SLC22A15: variants seen among roughly 807,000 people sequenced by gnomAD.
SLC22A15 encodes the protein solute carrier family 22 member 15, also known as flipt 1.
Under a neutral mutation model 62.7 loss-of-function variants are expected in SLC22A15, and 45 were observed. The observed-to-expected ratio is 0.72, with a 90% CI of 0.56 to 0.92. The LOEUF (loss-of-function observed/expected upper bound fraction) is 0.92, where lower values mean the gene tolerates loss of function less well. Among genes scored for constraint, SLC22A15 ranks in the 40% least tolerant of loss-of-function variants. The pLI is 0.00. For synonymous variants in SLC22A15, 264 were observed against 267.0 expected (o/e 0.99, Z 0.11); for missense variants, 622 against 665.6 (o/e 0.93, Z 0.72).
chr1:116,037,378 A>G lies in SLC22A15; in HGVS notation c.1161A>G (p.Pro387=). ...CTTGTCTTATTGTAATGTTTCTTCC[A>G]GAAAAGAAAGGTATGCCTTTCAAAT... is the stretch of plus-strand genomic sequence containing the variant. The part of the protein sequence containing the change: ...GLACLIVMFL[P]EKKDTGVFAV... Residue 387 remains proline (P), a synonymous_variant, in exon 8 of 12, where the codon CCA becomes CCG. Transcript: ENST00000369503. 6.2e-7 allele frequency: 1 copy of G among 1,612,640 alleles called. No homozygotes were observed. Among genetic ancestry groups the G allele is most frequent in the Non-Finnish European group, 8.5e-7 (1 of 1,178,846 alleles).
At chr1:116,033,555 CTCTGTGTG>C (rs1208576256) in intron 6 of SLC22A15, among the ~76,000 whole-genome samples, 3 of 95,180 alleles carry the variant, frequency 3.2e-5, no homozygotes, top group Admixed American at 1.0e-4. Flanking sequence ...ATAGGGGTGT[CTCTGTGTG>C]TGTGTGTGTG....
intron 10 of SLC22A15, among the ~76,000 whole-genome samples, chr1:116,065,132 C>T (rs1296428118): frequency 2.0e-5 from 3 of 152,048 alleles, no homozygotes; most frequent in Admixed American, 6.6e-5. Context: ...GGGACCCCTA[C>T]GCAAGTCTCT....
In SLC22A15 at chr1:116,067,076, G is replaced by C. The variant is rs778816672; in HGVS notation, c.1612G>C (p.Asp538His). ...GAGTGAGGAAGAGGAAGAATTTTAT[G>C]ATGCAGATGAAGAGACTCAGATGAT... ...SESEEEEEFY[D>H]ADEETQMIK is the part of the protein sequence containing the mutation. The change falls in exon 12 of 12, where the codon GAT becomes CAT. Residue 538 changes from aspartate to histidine, a missense_variant. Physicochemically the swap from Asp to His is moderately conservative, Grantham distance 81. Transcript: ENST00000369503. 1.2e-6 allele frequency: 2 copies of C among 1,612,304 alleles called. No homozygotes were observed. Among genetic ancestry groups the C allele is most frequent in the Non-Finnish European group, 1.7e-6 (2 of 1,179,362 alleles).
chr1:115,983,443 C>G (rs187510754), intron 1 of SLC22A15, among the ~76,000 whole-genome samples: 1 of 151,532 alleles, frequency 6.6e-6, no homozygotes, highest in African/African-American at 2.4e-5. Context: ...TGTGTGTGCA[C>G]GCGCACATGT....
At chr1:116,053,860 A>AT (rs1331706819) in intron 8 of SLC22A15, among the ~76,000 whole-genome samples, 1 of 151,936 alleles carries the variant, frequency 6.6e-6, no homozygotes, top group African/African-American at 2.4e-5. Context: ...ATGCTGAGAG[A>AT]TTTTGTCACC....
At chr1:116,065,249 A>G (rs1658469468) in intron 10 of SLC22A15, among the ~76,000 whole-genome samples, 1 of 152,232 alleles carries the variant, frequency 6.6e-6, no homozygotes, top group African/African-American at 2.4e-5. Context: ...TTACTTAGGC[A>G]GGTCTCTGAA....
At chr1:115,982,421 C>T (rs543712397) in intron 1 of SLC22A15, among the ~76,000 whole-genome samples, 20 of 152,124 alleles carry the variant, frequency 1.3e-4, no homozygotes, top group Non-Finnish European at 4.4e-5. Flanking sequence ...ATCTTTTTTG[C>T]AGAAATGTGT....
At chr1:116,055,895 G>A (rs1453191596) in intron 8 of SLC22A15, among the ~76,000 whole-genome samples, 2 of 149,122 alleles carry the variant, frequency 1.3e-5, no homozygotes, top group Non-Finnish European at 3.0e-5. Flanking sequence ...AGGTATTGAT[G>A]GGACGTATCT....
intron 1 of SLC22A15, among the ~76,000 whole-genome samples, chr1:115,983,528 C>G (rs1024061032): frequency 6.6e-6 from 1 of 152,056 alleles, no homozygotes. Flanking sequence ...TGACTGTATA[C>G]TGTTGCGGGA....
chr1:116,011,448 A>T (rs1477274298), intron 2 of SLC22A15, among the ~76,000 whole-genome samples: 1 of 152,166 alleles, frequency 6.6e-6, no homozygotes, highest in African/African-American at 2.4e-5. Context: ...ATGCCCGTAA[A>T]CCCACAACCT....
chr1:116,062,981 G>A, intron 9 of SLC22A15, 99 bp downstream of exon 9: 1 of 1,471,120 alleles, frequency 6.8e-7, no homozygotes, highest in East Asian at 2.3e-5. Context: ...TGCTTCTGGA[G>A]TTAGTTTGGG....
intron 10 of SLC22A15, 86 bp from the exon 11 acceptor site, chr1:116,066,434 A>T: frequency 8.0e-7 from 1 of 1,255,066 alleles, no homozygotes; most frequent in Non-Finnish European, 1.1e-6. Context: ...TAAACATGAC[A>T]GTTTTTCAGT....
In SLC22A15 at chr1:116,069,763, A is replaced by T. The variant is rs1329647755; in HGVS notation, c.*2655A>T. On this transcript the variant is annotated 3_prime_UTR_variant, in exon 12 of 12. Transcript: ENST00000369503. ...ATGAGGCAAATAAATGAAGAAAATG[A>T]GTTTCTGAGACACTGTTTAGGTAAC... 1 of 152,218 alleles carries T rather than the reference A, an allele frequency of 6.6e-6. No homozygotes were observed. Among genetic ancestry groups the T allele is most frequent in the Non-Finnish European group, 1.5e-5 (1 of 68,024 alleles). 9.4% of individuals were successfully genotyped at this position (152,218 alleles called of 1,614,324 possible).
chr1:116,027,624 C>T (rs1219405904), intron 5 of SLC22A15, among the ~76,000 whole-genome samples: 1 of 151,740 alleles, frequency 6.6e-6, no homozygotes, highest in Non-Finnish European at 1.5e-5. Context: ...ACCATTTCCC[C>T]AGAAGTTTTT....
chr1:116,039,475 G>A (rs371547323), intron 8 of SLC22A15, among the ~76,000 whole-genome samples: 20 of 152,278 alleles, frequency 1.3e-4, no homozygotes, highest in African/African-American at 4.6e-4. Flanking sequence ...GGAGGTTGCA[G>A]TGAGCCTAGA....
chr1:116,064,532 G>A (rs1486818722), intron 10 of SLC22A15, 24 bp downstream of exon 10: 4 of 1,519,826 alleles, frequency 2.6e-6, no homozygotes, highest in Non-Finnish European at 3.7e-6. Flanking sequence ...TTCTAGTTTT[G>A]TTTTTCTTGA....
intron 1 of SLC22A15, among the ~76,000 whole-genome samples, chr1:115,988,642 T>G (rs1027603595): frequency 1.3e-5 from 2 of 151,598 alleles, no homozygotes; most frequent in African/African-American, 4.8e-5. Flanking sequence ...TGCCTCAGCC[T>G]CCCAAGTAGC....
At chr1:115,990,861 G>A (rs914158210) in intron 1 of SLC22A15, among the ~76,000 whole-genome samples, 4 of 152,124 alleles carry the variant, frequency 2.6e-5, no homozygotes, top group Non-Finnish European at 2.9e-5. Flanking sequence ...GGGTTCAAGC[G>A]ATTCTCCTGT....
intron 2 of SLC22A15, among the ~76,000 whole-genome samples, chr1:116,000,076 C>A (rs534646790): frequency 6.6e-6 from 1 of 151,984 alleles, no homozygotes; most frequent in Non-Finnish European, 1.5e-5. Flanking sequence ...CTGTATCTTT[C>A]GATTGGAGTT....
Sources: gnomAD v4.1 joint callset for allele counts (sites outside exome capture counted in the v4.1 genomes callset) on GRCh38, gnomAD v4.1.1 for gene constraint, MANE v1.5 for transcripts, NCBI Gene and HGNC (gene_info 2026-07-23, HGNC 2026-07-21) for gene names.